NFIC: variants seen among roughly 807,000 people sequenced by gnomAD.
The protein encoded by NFIC is nuclear factor I C.
A neutral mutation model predicts 54.4 loss-of-function variants in NFIC; 12 were observed. The observed-to-expected ratio is 0.22, with a 90% CI of 0.14 to 0.36. The LOEUF (loss-of-function observed/expected upper bound fraction) is 0.36. Among genes scored for constraint, NFIC ranks in the 10% least tolerant of loss-of-function variants. NFIC has a pLI of 1.00. For synonymous variants in NFIC, 322 were observed against 319.2 expected, an observed-to-expected ratio of 1.01 and a Z score of -0.09; for missense variants, 575 against 718.2, an observed-to-expected ratio of 0.80 and a Z score of 2.28.
At chr19:3,403,961 G>A (rs2081598614) in intron 2 of NFIC, among the ~76,000 whole-genome samples, 1 of 152,300 alleles carries the variant, frequency 6.6e-6, no homozygotes, top group South Asian at 2.1e-4. Flanking sequence ...GGACGCCCGT[G>A]TGTGCGCTCA....
In NFIC at chr19:3,366,693, G is replaced by A. The variant is rs1568394910; in HGVS notation, c.30+27G>A. On this transcript the variant is annotated intron_variant, in intron 1 of 10. Transcript: ENST00000443272. ...TACGGTCCTCGCCCGGCCCCCCGCCGGCGCCCCCGCGCCCCCCGCATCCCA... is the reference window on the plus strand; with the variant it reads ...TACGGTCCTCGCCCGGCCCCCCGCCAGCGCCCCCGCGCCCCCCGCATCCCA... The A allele has an allele frequency of 2.9e-6, 4 of 1,359,528 alleles. No homozygotes were observed. In the African/African-American group the frequency reaches 4.7e-5, roughly 16 times the overall value. The allele number at this position is 1,359,528 out of a possible 1,614,324, so 84.2% of individuals were successfully genotyped here. A position where few individuals can be genotyped will look rare whatever the true frequency, so the allele number is the denominator to read the frequency against.
intron 6 of NFIC, among the ~76,000 whole-genome samples, chr19:3,440,016 G>A (rs1372876996): frequency 6.6e-6 from 1 of 152,084 alleles, no homozygotes; most frequent in Non-Finnish European, 1.5e-5. Flanking sequence ...AACACCCGTG[G>A]CCCAGGGCTG....
intron 3 of NFIC, among the ~76,000 whole-genome samples, chr19:3,431,067 CTTTTAT>C (rs1268745590): frequency 3.3e-5 from 5 of 151,754 alleles, no homozygotes; most frequent in African/African-American, 9.7e-5. Flanking sequence ...GAGCCTCGTT[CTTTTAT>C]TTTTATTTAT....
In NFIC at chr19:3,464,284, G is replaced by C; in HGVS notation, c.*1515G>C. Reference sequence around the variant, plus strand: ...TCGGAACGGGGAGGGTTTTCGGGGGGTTCGGCGTCGCACCTTGGGGCCCCC... The same window carrying C: ...TCGGAACGGGGAGGGTTTTCGGGGGCTTCGGCGTCGCACCTTGGGGCCCCC... On this transcript the variant is annotated 3_prime_UTR_variant, in exon 11 of 11. Coordinates refer to ENST00000443272, the MANE Select transcript of NFIC (RefSeq NM_001245002.2). 2 of 985,362 alleles carry C rather than the reference G, an allele frequency of 2.0e-6. No individual in the cohort carries two copies. The highest frequency in any genetic ancestry group is 2.4e-6 in the Non-Finnish European group (2 of 829,904). The allele number at this position is 985,362 out of a possible 1,614,324, so 61.0% of individuals were successfully genotyped here.
At chr19:3,360,952 G>C (rs752200130) in intron 1 of NFIC, among the ~76,000 whole-genome samples, 33 of 152,212 alleles carry the variant, frequency 2.2e-4, no homozygotes, top group Non-Finnish European at 4.0e-4. Context: ...CCCTAGGGAA[G>C]GGTCTGCCTT....
In NFIC at chr19:3,370,887, A is replaced by G. The variant is rs1267045434; in HGVS notation, c.30+4221A>G. On this transcript the variant is annotated intron_variant, in intron 1 of 10. Transcript: ENST00000443272. This position sits in a 1 kb window ranked among gnomAD's most constrained non-coding sequence, Gnocchi z 5.2. ...CCACGCCGACCTCACCTGGGTGCCC[A>G]TCTGCCCTGAGCACACAGCGTGCGG... is the stretch of plus-strand genomic sequence containing the variant. Among the ~76,000 whole-genome samples, 1 of 152,078 alleles carries G rather than the reference A, an allele frequency of 6.6e-6. No homozygotes were observed. Among genetic ancestry groups the G allele is most frequent in the African/African-American group, 2.4e-5 (1 of 41,396 alleles).
chr19:3,387,337 A>G (rs1568412942), intron 2 of NFIC, among the ~76,000 whole-genome samples: 2 of 152,156 alleles, frequency 1.3e-5, no homozygotes, highest in Admixed American at 1.3e-4. Flanking sequence ...CCCCATCTCT[A>G]CTAAAAATAC....
chr19:3,363,258 TATA>T (rs2080837145), upstream of NFIC, among the ~76,000 whole-genome samples: 1 of 77,572 alleles, frequency 1.3e-5, no homozygotes, highest in Non-Finnish European at 2.4e-5. Context: ...TATATATATA[TATA>T]TATATATATT....
intron 2 of NFIC, among the ~76,000 whole-genome samples, chr19:3,403,663 G>C (rs1006031422): frequency 5.9e-5 from 9 of 152,236 alleles, no homozygotes; most frequent in African/African-American, 1.7e-4. Context: ...GCCCTCCCCT[G>C]GGCGCCTGCC....
intron 1 of NFIC, among the ~76,000 whole-genome samples, chr19:3,379,788 C>T (rs2081171225): frequency 1.4e-5 from 2 of 146,788 alleles, no homozygotes; most frequent in African/African-American, 5.1e-5. Flanking sequence ...CTCCTGGGCT[C>T]AATTGATCTT....
At position 3,377,056 on chromosome 19, in the gene NFIC, G is replaced by C. The variant is rs140560299; in HGVS notation, c.31-4656G>C. 6.8e-3 allele frequency among the ~76,000 whole-genome samples: 1,006 copies of C among 147,410 alleles called. 3 individuals carry two copies. The highest frequency in any genetic ancestry group is 0.035 in the South Asian group (148 of 4,250). ...AGACCCCCATCTCTTAAAAAAAAAA[G>C]TAATAAAAATCACAGTAGCCCCAGC... On this transcript the variant is annotated intron_variant, in intron 1 of 10. Transcript: ENST00000443272.
rs1417556024 is a variant in NFIC at position 3,453,776 on chromosome 19, G to C, written c.1283G>C (p.Gly428Ala). The C allele has an allele frequency of 6.2e-7, 1 of 1,603,654 alleles. No individual in the cohort carries two copies. The highest frequency in any genetic ancestry group is 8.5e-7 in the Non-Finnish European group (1 of 1,175,780). ...SQQPGPLNGSGQLKMPSHCLS... is the reference protein window; with the variant it reads ...SQQPGPLNGSAQLKMPSHCLS... ...CTGTTCCCCCAGTTAAATGGAAGTG[G>C]TCAGCTCAAAATGCCCAGCCACTGC... The change falls in exon 9 of 11, where the codon GGT (glycine) becomes GCT (alanine). Residue 428 changes from glycine to alanine, a missense_variant. Gly to Ala is a moderately conservative substitution (Grantham distance 60, BLOSUM62 0). This residue lies in a region of NFIC where 447 missense variants were observed against 526.9 expected (regional missense o/e 0.85). Transcript: ENST00000443272. This position sits in a 1 kb window ranked among gnomAD's most constrained non-coding sequence, Gnocchi z 6.7.
At chr19:3,429,219 C>G (rs1027593896) in intron 3 of NFIC, among the ~76,000 whole-genome samples, 4 of 117,010 alleles carry the variant, frequency 3.4e-5, no homozygotes, top group Non-Finnish European at 5.0e-5. Context: ...TAGCAAGACC[C>G]TATCTCTACC....
At chr19:3,368,076 G>A (rs927703702) in intron 1 of NFIC, among the ~76,000 whole-genome samples, 7 of 148,824 alleles carry the variant, frequency 4.7e-5, no homozygotes, top group Non-Finnish European at 1.0e-4. Context: ...TGGGGGGGGG[G>A]TTCCCGAAGA....
intron 6 of NFIC, among the ~76,000 whole-genome samples, chr19:3,442,114 C>T (rs1490928780): frequency 6.6e-6 from 1 of 152,232 alleles, no homozygotes; most frequent in African/African-American, 2.4e-5. Context: ...CTCCAGGCCC[C>T]ACATTCCAGC....
At chr19:3,367,519 G>T (rs1428999793) in intron 1 of NFIC, among the ~76,000 whole-genome samples, 1 of 151,976 alleles carries the variant, frequency 6.6e-6, no homozygotes, top group Non-Finnish European at 1.5e-5. Context: ...ACCCCTGGCC[G>T]CACTCCCAGA....
chr19:3,446,176 C>A (rs2082371886), intron 6 of NFIC, among the ~76,000 whole-genome samples: 1 of 152,212 alleles, frequency 6.6e-6, no homozygotes, highest in South Asian at 2.1e-4. Context: ...CAGGGGGACC[C>A]CAGCTCCTGG....
At chr19:3,454,766 C>G (rs1486020801) in intron 9 of NFIC, among the ~76,000 whole-genome samples, 1 of 151,320 alleles carries the variant, frequency 6.6e-6, no homozygotes, top group African/African-American at 2.4e-5. Flanking sequence ...CAAATGAGAC[C>G]CCCCACCCCA....
In NFIC at chr19:3,466,348, C is replaced by T; in HGVS notation, c.*3579C>T. ...GCAGGGAGGACCCAGGGCTGGGATT[C>T]TCCAACCTTAGGCCATTCCTGCAGC... On this transcript the variant is annotated 3_prime_UTR_variant, in exon 11 of 11. Coordinates refer to ENST00000443272, the MANE Select transcript of NFIC (RefSeq NM_001245002.2). This position sits in a 1 kb window ranked among gnomAD's most constrained non-coding sequence, Gnocchi z 4.8. The T allele has an allele frequency of 6.6e-6, 1 of 152,122 alleles. No individual in the cohort carries two copies. The highest frequency in any genetic ancestry group is 1.9e-4 in the East Asian group (1 of 5,196). 9.4% of individuals were successfully genotyped at this position (152,122 alleles called of 1,614,324 possible).
Sources: gnomAD v4.1 joint callset for allele counts (sites outside exome capture counted in the v4.1 genomes callset) on GRCh38, gnomAD v4.1.1 for gene constraint, gnomAD v4.1.1 regional missense constraint, Gnocchi (gnomAD v3.1) non-coding constraint, MANE v1.5 for transcripts, NCBI Gene and HGNC (gene_info 2026-07-23, HGNC 2026-07-21) for gene names.